Variants in COX7B2 observed in about 807,000 individuals in gnomAD.
COX7B2 encodes cytochrome c oxidase subunit 7B2, also known as cytochrome c oxidase subunit 7B2, mitochondrial.
For missense variants in COX7B2, 109 were observed against 95.9 expected, an observed-to-expected ratio of 1.14 and a Z score of -0.57; for synonymous variants, 37 against 32.1, an observed-to-expected ratio of 1.15 and a Z score of -0.51.
At chr4:46,757,280 G>A (rs956359056) in intron 2 of COX7B2, among the ~76,000 whole-genome samples, 7 of 144,500 alleles carry the variant, frequency 4.8e-5, no homozygotes, top group African/African-American at 1.5e-4. Context: ...CATATACAGA[G>A]TGGAATAGTA....
chr4:46,840,275 T>C (rs1715844496), intron 2 of COX7B2, among the ~76,000 whole-genome samples: 1 of 152,020 alleles, frequency 6.6e-6, no homozygotes, highest in African/African-American at 2.4e-5. Context: ...CATCGGATTT[T>C]TGTTTATATG....
chr4:46,843,895 T>C (rs1407656680), intron 2 of COX7B2, among the ~76,000 whole-genome samples: 2 of 151,994 alleles, frequency 1.3e-5, no homozygotes, highest in Non-Finnish European at 2.9e-5. Flanking sequence ...AACAGGTACT[T>C]TGCTGCCAAT....
intron 2 of COX7B2, among the ~76,000 whole-genome samples, chr4:46,791,811 A>T (rs535478059): frequency 5.3e-5 from 8 of 152,282 alleles, no homozygotes; most frequent in African/African-American, 1.7e-4. Context: ...AAAAAACAGG[A>T]TCCCTGTATC....
intron 2 of COX7B2, among the ~76,000 whole-genome samples, chr4:46,817,270 G>A (rs1274841963): frequency 6.6e-6 from 1 of 152,176 alleles, no homozygotes; most frequent in Non-Finnish European, 1.5e-5. Context: ...CCTCTGCTAA[G>A]TTATTTGCAT....
chr4:46,868,357 G>C (rs1717794926), intron 1 of COX7B2, among the ~76,000 whole-genome samples: 1 of 151,972 alleles, frequency 6.6e-6, no homozygotes, highest in African/African-American at 2.4e-5. Flanking sequence ...TGTTTTTTCT[G>C]CCTCTCGATT....
At chr4:46,768,747 A>G (rs912501878) in intron 2 of COX7B2, among the ~76,000 whole-genome samples, 3 of 152,188 alleles carry the variant, frequency 2.0e-5, no homozygotes, top group Admixed American at 6.5e-5. Context: ...AAAGAATCAA[A>G]AAAATACACT....
intron 2 of COX7B2, among the ~76,000 whole-genome samples, chr4:46,809,914 A>G (rs1391827021): frequency 1.3e-5 from 2 of 151,950 alleles, no homozygotes; most frequent in Non-Finnish European, 2.9e-5. Context: ...TTACATATTT[A>G]GGTGGTCCAA....
At chr4:46,759,805 TC>T (rs1327482467) in intron 2 of COX7B2, among the ~76,000 whole-genome samples, 2 of 68,918 alleles carry the variant, frequency 2.9e-5, no homozygotes, top group Admixed American at 3.9e-4. Flanking sequence ...ATAAGTCATA[TC>T]TTATATAAGT....
At chr4:46,879,937 A>G (rs35065288) in intron 1 of COX7B2, among the ~76,000 whole-genome samples, 2,211 of 152,268 alleles carry the variant, frequency 0.015, 24 homozygotes, top group Non-Finnish European at 0.023. Context: ...ATACAATTAC[A>G]TGAGTATATT....
intron 1 of COX7B2, among the ~76,000 whole-genome samples, chr4:46,894,222 A>C (rs1352555912): frequency 6.6e-6 from 1 of 152,190 alleles, no homozygotes; most frequent in Non-Finnish European, 1.5e-5. Context: ...CCTACGTGAA[A>C]GGAACAAAGC....
At chr4:46,857,488 A>G (rs1393172631) in intron 1 of COX7B2, among the ~76,000 whole-genome samples, 1 of 152,174 alleles carries the variant, frequency 6.6e-6, no homozygotes, top group African/African-American at 2.4e-5. Flanking sequence ...TGGGCAAACC[A>G]TTTTCTTTTC....
At chr4:46,858,429 A>G (rs1472751869) in intron 1 of COX7B2, among the ~76,000 whole-genome samples, 5 of 152,092 alleles carry the variant, frequency 3.3e-5, no homozygotes, top group Non-Finnish European at 7.4e-5. Flanking sequence ...TTGGTACACT[A>G]ATGCAAGTAG....
chr4:46,804,507 C>A (rs1232550351), intron 2 of COX7B2, among the ~76,000 whole-genome samples: 1 of 152,150 alleles, frequency 6.6e-6, no homozygotes, highest in African/African-American at 2.4e-5. Flanking sequence ...TTCTCCACAT[C>A]CCCACTAGAT....
intron 2 of COX7B2, among the ~76,000 whole-genome samples, chr4:46,773,112 T>C (rs1359585463): frequency 1.3e-5 from 2 of 152,180 alleles, no homozygotes; most frequent in Non-Finnish European, 2.9e-5. Context: ...ATGTCTATTT[T>C]TTAACTGATT....
At chr4:46,848,919 T>C (rs558005399) in intron 1 of COX7B2, among the ~76,000 whole-genome samples, 1 of 152,036 alleles carries the variant, frequency 6.6e-6, no homozygotes, top group Non-Finnish European at 1.5e-5. Context: ...ATATAACCTA[T>C]TCACATGCTC....
chr4:46,846,037 A>T (rs1223731652), intron 1 of COX7B2, among the ~76,000 whole-genome samples: 9 of 152,000 alleles, frequency 5.9e-5, no homozygotes, highest in Non-Finnish European at 1.5e-5. Flanking sequence ...CTAAATTTTA[A>T]ATCAGACCCT....
At chr4:46,803,613 T>A (rs1335776098) in intron 2 of COX7B2, among the ~76,000 whole-genome samples, 1 of 152,214 alleles carries the variant, frequency 6.6e-6, no homozygotes, top group African/African-American at 2.4e-5. Flanking sequence ...AGCATATATT[T>A]ATAAACATGG....
At chr4:46,830,064 G>A (rs1373155550) in intron 2 of COX7B2, among the ~76,000 whole-genome samples, 1 of 152,074 alleles carries the variant, frequency 6.6e-6, no homozygotes, top group Non-Finnish European at 1.5e-5. Context: ...GGTGGCTCAC[G>A]CATGTAATCC....
chr4:46,736,091 A>G (rs144562301), intron 2 of COX7B2, among the ~76,000 whole-genome samples: 1 of 152,336 alleles, frequency 6.6e-6, no homozygotes, highest in Non-Finnish European at 1.5e-5. Flanking sequence ...AGGTTTTAAC[A>G]AATGTATAAT....
Sources: allele counts gnomAD v4.1 joint callset (sites outside exome capture counted in the v4.1 genomes callset), GRCh38; gene constraint gnomAD v4.1.1; transcripts MANE v1.5; gene names NCBI Gene and HGNC (gene_info 2026-07-23, HGNC 2026-07-21).